Variants in LYRM4 observed in about 807,000 individuals in gnomAD.
LYRM4 encodes the protein LYR motif-containing protein 4.
In LYRM4, 9 loss-of-function variants were observed where a neutral mutation model predicts 11.7. The ratio of observed to expected loss-of-function variants is 0.77; its 90% confidence interval spans 0.46 to 1.34. The LOEUF is 1.34. Ranked by LOEUF, LYRM4 falls within the 40% of genes most tolerant of loss-of-function variation. The probability of loss-of-function intolerance (pLI) is 0.00; values close to 1 mark genes in which losing one functional copy is unlikely to be tolerated. For synonymous variants in LYRM4, 42 were observed against 40.4 expected (o/e 1.04, Z -0.15); for missense variants, 133 against 112.5 (o/e 1.18, Z -0.82).
intron 2 of LYRM4, among the ~76,000 whole-genome samples, chr6:5,188,255 T>G (rs1197174430): frequency 1.3e-5 from 2 of 152,150 alleles, no homozygotes; most frequent in Non-Finnish European, 2.9e-5. Context: ...GCCTATGGCA[T>G]GAGGTGCCAG....
In LYRM4 at chr6:5,252,536, C is replaced by T. The variant is rs1056238663; in HGVS notation, c.86+8112G>A. 3.9e-5 allele frequency among the ~76,000 whole-genome samples: 6 copies of T among 152,216 alleles called. No homozygotes were observed. The South Asian group carries it at 1.0e-3, about 26-fold the overall frequency. On this transcript the variant is annotated intron_variant, in intron 1 of 2. Transcript: ENST00000330636. ...GTCTTTGCCTGGAATGCTCTTCCAT[C>T]GCATGTCCACCTCTGTGGCTGACAC...
the LYRM4 span, among the ~76,000 whole-genome samples, chr6:5,090,091 G>T: frequency 1.3e-5 from 2 of 151,268 alleles, no homozygotes; most frequent in Non-Finnish European, 2.9e-5. This position sits in a 1 kb window ranked among gnomAD's most constrained non-coding sequence, Gnocchi z 4.8. Flanking sequence ...GTGCTTTTTT[G>T]CAGCAATATT....
chr6:5,046,584 G>A, the LYRM4 span, among the ~76,000 whole-genome samples: 1 of 152,216 alleles, frequency 6.6e-6, no homozygotes, highest in African/African-American at 2.4e-5. Context: ...AGCTGGGACA[G>A]CTGGCGGCTG....
At chr6:5,062,634 A>G in the LYRM4 span, among the ~76,000 whole-genome samples, 2 of 152,192 alleles carry the variant, frequency 1.3e-5, no homozygotes, top group Non-Finnish European at 2.9e-5. Flanking sequence ...TCCCTTGCTC[A>G]GAGCTGCAGG....
intron 1 of LYRM4, among the ~76,000 whole-genome samples, chr6:5,228,529 T>C (rs2773291): frequency 0.38 from 57,855 of 151,754 alleles, 12,979 homozygotes; most frequent in African/African-American, 0.64. Flanking sequence ...CCACCTGCCT[T>C]GGTCTCCCAA....
chr6:5,067,401 A>G, the LYRM4 span, among the ~76,000 whole-genome samples: 1 of 152,268 alleles, frequency 6.6e-6, no homozygotes, highest in Non-Finnish European at 1.5e-5. Flanking sequence ...CCAGGGCTAC[A>G]GCCATCAGAG....
chr6:5,142,998 C>T (rs1757492607), intron 2 of LYRM4, among the ~76,000 whole-genome samples: 1 of 152,248 alleles, frequency 6.6e-6, no homozygotes, highest in Admixed American at 6.5e-5. Flanking sequence ...TTGCCCTACT[C>T]TGACTCCCCA....
chr6:5,210,669 C>T (rs973987972), intron 2 of LYRM4, among the ~76,000 whole-genome samples: 1 of 152,142 alleles, frequency 6.6e-6, no homozygotes, highest in African/African-American at 2.4e-5. Flanking sequence ...AAACAATTTG[C>T]CTTTTTCTCC....
intron 1 of LYRM4, among the ~76,000 whole-genome samples, chr6:5,230,402 T>C (rs17139846): frequency 0.027 from 4,057 of 152,322 alleles, 173 homozygotes; most frequent in African/African-American, 0.084. Context: ...TCCATGTATA[T>C]GGCAAAGATT....
the LYRM4 span, among the ~76,000 whole-genome samples, chr6:5,041,725 G>T: frequency 6.6e-6 from 1 of 152,080 alleles, no homozygotes; most frequent in African/African-American, 2.4e-5. Context: ...GATATTTATA[G>T]TCATGAACTC....
At chr6:5,136,534 T>C (rs1415275035) in intron 2 of LYRM4, 8 of 960,016 alleles carry the variant, frequency 8.3e-6, no homozygotes, top group Non-Finnish European at 9.9e-6. Context: ...AATGGGATAA[T>C]GTCAATTTTA....
chr6:5,098,589 C>T, the LYRM4 span, among the ~76,000 whole-genome samples: 31 of 152,304 alleles, frequency 2.0e-4, no homozygotes, highest in African/African-American at 7.5e-4. Context: ...AGGAGACACG[C>T]ACAAGAATAT....
At chr6:5,153,266 A>G (rs913230170) in intron 2 of LYRM4, among the ~76,000 whole-genome samples, 1 of 152,024 alleles carries the variant, frequency 6.6e-6, no homozygotes, top group African/African-American at 2.4e-5. Flanking sequence ...TAATTTTTAT[A>G]TTTTAGGAGA....
chr6:5,175,456 A>G (rs1441688268), intron 2 of LYRM4, among the ~76,000 whole-genome samples: 3 of 152,120 alleles, frequency 2.0e-5, no homozygotes, highest in African/African-American at 7.2e-5. Flanking sequence ...AGGGAATAGG[A>G]CACAGGTGGA....
chr6:5,254,852 G>T (rs188499284), intron 1 of LYRM4, among the ~76,000 whole-genome samples: 41 of 152,150 alleles, frequency 2.7e-4, no homozygotes, highest in African/African-American at 9.2e-4. Flanking sequence ...CTGCTCTATC[G>T]GTTATCTACT....
At chr6:5,170,727 C>T (rs986416499) in intron 2 of LYRM4, among the ~76,000 whole-genome samples, 3 of 152,294 alleles carry the variant, frequency 2.0e-5, no homozygotes, top group African/African-American at 4.8e-5. Flanking sequence ...CAAACACACA[C>T]CCTTTTCTCC....
the LYRM4 span, among the ~76,000 whole-genome samples, chr6:5,081,138 G>GGGC: frequency 2.5e-4 from 1 of 4,020 alleles, no homozygotes; most frequent in Admixed American, 3.3e-3. Context: ...CTTGGGCGGG[G>GGGC]GGGGGGGGGG....
intron 2 of LYRM4, among the ~76,000 whole-genome samples, chr6:5,112,468 CA>C (rs1762928450): frequency 1.3e-5 from 2 of 152,214 alleles, no homozygotes; most frequent in African/African-American, 4.8e-5. Flanking sequence ...AAGTGAAAGG[CA>C]TACACAGAAC....
chr6:5,039,426 T>C, the LYRM4 span, among the ~76,000 whole-genome samples: 2 of 152,202 alleles, frequency 1.3e-5, no homozygotes, highest in Non-Finnish European at 2.9e-5. Context: ...CCCCATTTTT[T>C]AGAACAATGA....
Sources: allele counts gnomAD v4.1 joint callset (sites outside exome capture counted in the v4.1 genomes callset), GRCh38; gene constraint gnomAD v4.1.1; non-coding constraint Gnocchi (gnomAD v3.1); transcripts MANE v1.5; gene names NCBI Gene and HGNC (gene_info 2026-07-23, HGNC 2026-07-21).